The following PHF13 variants were observed in gnomAD, a reference collection of about 807,000 sequenced individuals.
The protein encoded by PHF13 is PHD zinc finger protein PHF5.
PHF13 carries 1 observed loss-of-function variant against 25.8 expected under a neutral mutation model. The observed-to-expected ratio is 0.04, with a 90% CI of 0.01 to 0.18. The LOEUF (loss-of-function observed/expected upper bound fraction) is 0.18. Among genes scored for constraint, PHF13 ranks in the 10% least tolerant of loss-of-function variants. The pLI, the probability that PHF13 is intolerant of heterozygous loss-of-function variation, is 1.00. For missense variants in PHF13, 306 were observed against 403.2 expected (o/e 0.76, Z 2.06); for synonymous variants, 195 against 162.4 (o/e 1.20, Z -1.53).
chr1:6,615,775 G>A (rs1039880272), intron 1 of PHF13, among the ~76,000 whole-genome samples: 3 of 152,128 alleles, frequency 2.0e-5, no homozygotes, highest in Non-Finnish European at 2.9e-5. Flanking sequence ...TTTCTAGATG[G>A]AATGGGGCTG....
At chr1:6,619,782 C>T in intron 2 of PHF13, 21 bp from the exon 3 acceptor site, 2 of 1,568,326 alleles carry the variant, frequency 1.3e-6, no homozygotes, top group Admixed American at 1.8e-5. Context: ...TAACTGGAAT[C>T]TGCCACCTTT....
intron 3 of PHF13, 78 bp downstream of exon 3, chr1:6,620,415 T>C: frequency 2.0e-6 from 3 of 1,479,880 alleles, no homozygotes; most frequent in Non-Finnish European, 2.7e-6. Flanking sequence ...TGGTCATCTC[T>C]CTGGGGCACA....
chr1:6,619,653 T>C (rs1641309178), intron 2 of PHF13, 150 bp from the exon 3 acceptor site: 1 of 825,182 alleles, frequency 1.2e-6, no homozygotes, highest in African/African-American at 1.7e-5. Context: ...CTCATGTTAC[T>C]GTTGCTTCAA....
chr1:6,617,337 C>T (rs552593455), intron 2 of PHF13, among the ~76,000 whole-genome samples: 5 of 152,144 alleles, frequency 3.3e-5, no homozygotes, highest in East Asian at 3.9e-4. Flanking sequence ...TCACCTGCCT[C>T]GGCCTCCCAG....
chr1:6,615,004 G>A (rs933805721), intron 1 of PHF13, among the ~76,000 whole-genome samples: 1 of 151,106 alleles, frequency 6.6e-6, no homozygotes, highest in Non-Finnish European at 1.5e-5. Context: ...ATCCTGCCTG[G>A]CGCACCCCCC....
intron 1 of PHF13, 31 bp downstream of exon 1, chr1:6,614,136 C>A: frequency 6.3e-7 from 1 of 1,592,912 alleles, no homozygotes. Flanking sequence ...GAATCGCCCC[C>A]GACCACCCCC....
rs1361365141 is a variant in PHF13 at position 6,623,992 on chromosome 1, T to A, written c.*2355T>A. 1 of 152,634 alleles carries A rather than the reference T, an allele frequency of 6.6e-6. No homozygotes were observed. The highest frequency in any genetic ancestry group is 1.5e-5 in the Non-Finnish European group (1 of 68,042). The allele number at this position is 152,634 out of a possible 1,614,324, so 9.5% of individuals were successfully genotyped here. A position where few individuals can be genotyped will look rare whatever the true frequency, so the allele number is the denominator to read the frequency against. On this transcript the variant is annotated 3_prime_UTR_variant, in exon 4 of 4. Transcript: ENST00000377648. ...AATAAATATATTGCTACTTTGAGGTTCATGATTCAAGGTTCAGGCGATTGC... is the reference window on the plus strand; with the variant it reads ...AATAAATATATTGCTACTTTGAGGTACATGATTCAAGGTTCAGGCGATTGC...
chr1:6,618,378 C>T (rs1023791702), intron 2 of PHF13, among the ~76,000 whole-genome samples: 2 of 152,232 alleles, frequency 1.3e-5, no homozygotes, highest in African/African-American at 4.8e-5. Context: ...AGTGACCCAC[C>T]TGCCTTGGCT....
rs1641342958 is a variant in PHF13 at position 6,621,721 on chromosome 1, C to T, written c.*84C>T. ...CCCTTCTCTTAGTTGAGCACAGAAC[C>T]CTCAGCTCTGGTGCGGGCAGATCCC... On this transcript the variant is annotated 3_prime_UTR_variant, in exon 4 of 4. Coordinates refer to ENST00000377648, the MANE Select transcript of PHF13 (RefSeq NM_153812.3). This position sits in a 1 kb window ranked among gnomAD's most constrained non-coding sequence, Gnocchi z 4.8. 5 of 1,368,684 alleles carry T rather than the reference C, an allele frequency of 3.7e-6. No individual in the cohort carries two copies. The highest frequency in any genetic ancestry group is 2.9e-5 in the African/African-American group (2 of 69,756). The allele number at this position is 1,368,684 out of a possible 1,614,324, so 84.8% of individuals were successfully genotyped here. A position where few individuals can be genotyped will look rare whatever the true frequency, so the allele number is the denominator to read the frequency against.
chr1:6,621,265 C>G lies in PHF13; in HGVS notation c.677-146C>G. ...GGTTCCCACACATTTTGGAGCCCCTCGTGCCTTTTCAGAGAGAAGTGTCAG... is the reference window on the plus strand; with the variant it reads ...GGTTCCCACACATTTTGGAGCCCCTGGTGCCTTTTCAGAGAGAAGTGTCAG... On this transcript the variant is annotated intron_variant, in intron 3 of 3. Transcript: ENST00000377648. The surrounding 1 kb of genome is among the most constrained non-coding windows in gnomAD (Gnocchi z 4.8). The G allele has an allele frequency of 6.2e-6, 5 of 806,454 alleles. No homozygotes were observed. The highest frequency in any genetic ancestry group is 1.0e-5 in the Non-Finnish European group (5 of 497,332). The allele number at this position is 806,454 out of a possible 1,614,324, so 50.0% of individuals were successfully genotyped here.
intron 2 of PHF13, among the ~76,000 whole-genome samples, chr1:6,618,129 T>G (rs1028901557): frequency 7.2e-5 from 11 of 151,840 alleles, no homozygotes; most frequent in Non-Finnish European, 1.3e-4. Context: ...AGCTCAAAAT[T>G]GAACAATCCA....
chr1:6,614,999 G>C (rs1256647406), intron 1 of PHF13, among the ~76,000 whole-genome samples: 6 of 151,108 alleles, frequency 4.0e-5, no homozygotes, highest in Non-Finnish European at 7.4e-5. Context: ...CCGGAATCCT[G>C]CCTGGCGCAC....
intron 1 of PHF13, 95 bp downstream of exon 1, chr1:6,614,200 C>A: frequency 1.9e-6 from 2 of 1,072,754 alleles, no homozygotes; most frequent in East Asian, 2.8e-5. Flanking sequence ...CGGAGCGCCG[C>A]CCTCCCCTTC....
chr1:6,616,986 A>G (rs1641270943), intron 2 of PHF13, 128 bp downstream of exon 2: 2 of 691,916 alleles, frequency 2.9e-6, no homozygotes, highest in East Asian at 2.7e-5. Context: ...TGGTGACCCC[A>G]GTCACTAGTC....
rs746978161 is a variant in PHF13, at chr1:6,614,041, A to AGCC, written c.-16_-14dup. On this transcript the variant is annotated 5_prime_UTR_variant, in exon 1 of 4. Coordinates refer to ENST00000377648, the MANE Select transcript of PHF13 (RefSeq NM_153812.3). ...AGCATCCCAGCTCCTGCACTCTCGC[A>AGCC]GCCGCCGCCGCCCCCCGCCCGGAAC... 30 of 1,527,172 alleles carry AGCC rather than the reference A, an allele frequency of 2.0e-5. No individual in the cohort carries two copies. The highest frequency in any genetic ancestry group is 3.3e-5 in the African/African-American group (2 of 61,354). The allele number at this position is 1,527,172 out of a possible 1,614,324, so 94.6% of individuals were successfully genotyped here.
chr1:6,616,595 T>G (rs1387971194), intron 1 of PHF13, among the ~76,000 whole-genome samples, 162 bp from the exon 2 acceptor site: 1 of 152,210 alleles, frequency 6.6e-6, no homozygotes, highest in Non-Finnish European at 1.5e-5. Flanking sequence ...ATAGTGTTAT[T>G]TCTTGACCTG....
In PHF13 at chr1:6,614,058, G is replaced by A. The variant is rs375401191; in HGVS notation, c.-9G>A. 55 of 1,433,860 alleles carry A rather than the reference G, an allele frequency of 3.8e-5. No individual in the cohort carries two copies. In the African/African-American group the frequency reaches 8.5e-4, roughly 22 times the overall value. 88.8% of individuals were successfully genotyped at this position (1,433,860 alleles called of 1,614,324 possible). On this transcript the variant is annotated 5_prime_UTR_variant, in exon 1 of 4. Coordinates refer to ENST00000377648, the MANE Select transcript of PHF13 (RefSeq NM_153812.3). ...ACTCTCGCAGCCGCCGCCGCCCCCCGCCCGGAACATGGACTCTGACTCTTG... is the reference window on the plus strand; with the variant it reads ...ACTCTCGCAGCCGCCGCCGCCCCCCACCCGGAACATGGACTCTGACTCTTG...
In PHF13 at chr1:6,614,367, T is replaced by C. The variant is rs1422422749; in HGVS notation, c.39+262T>C. On this transcript the variant is annotated intron_variant, in intron 1 of 3. Transcript: ENST00000377648. ...TCCCCAGGGCCGTTGCGCCTATTTC[T>C]CTCCCCCGGGCCGCCCCTCTCCGGC... The C allele has an allele frequency of 3.5e-5, 14 of 402,344 alleles. No individual in the cohort carries two copies. In the East Asian group the frequency reaches 6.2e-4, roughly 18 times the overall value. The allele number at this position is 402,344 out of a possible 1,614,324, so 24.9% of individuals were successfully genotyped here.
chr1:6,616,687 C>A lies in PHF13; in HGVS notation c.40-70C>A, dbSNP rs1042099933. 9.0e-6 allele frequency: 12 copies of A among 1,330,246 alleles called. No individual in the cohort carries two copies. In the African/African-American group the frequency reaches 1.7e-4, roughly 19 times the overall value. 82.4% of individuals were successfully genotyped at this position (1,330,246 alleles called of 1,614,324 possible). ...TGACTACAAAAGTTCCAGCTTACTTCCTTTTGTTTCTGTGATTCCGCCTGG... is the reference window on the plus strand; with the variant it reads ...TGACTACAAAAGTTCCAGCTTACTTACTTTTGTTTCTGTGATTCCGCCTGG... On this transcript the variant is annotated intron_variant, in intron 1 of 3. Transcript: ENST00000377648.
Sources: allele counts gnomAD v4.1 joint callset (sites outside exome capture counted in the v4.1 genomes callset), GRCh38; gene constraint gnomAD v4.1.1; non-coding constraint Gnocchi (gnomAD v3.1); transcripts MANE v1.5; gene names NCBI Gene and HGNC (gene_info 2026-07-23, HGNC 2026-07-21).